Variants in SHROOM4 observed in about 807,000 individuals in gnomAD.
SHROOM4 encodes shroom family member 4.
SHROOM4 carries 17 observed loss-of-function variants against 80.3 expected under a neutral mutation model. The ratio of observed to expected loss-of-function variants is 0.21; its 90% CI spans 0.14 to 0.32. SHROOM4 has a LOEUF of 0.32. Among genes scored for constraint, SHROOM4 ranks in the 10% least tolerant of loss-of-function variants. The probability of loss-of-function intolerance (pLI) is 1.00; values close to 1 mark genes in which losing one functional copy is unlikely to be tolerated. For missense variants in SHROOM4, 993 were observed against 1,140.3 expected (o/e 0.87, Z 1.86); for synonymous variants, 400 against 437.5 (o/e 0.91, Z 1.07).
At chrX:50,577,134 T>A in the SHROOM4 span, among the ~76,000 whole-genome samples, 1 of 112,424 alleles carries the variant, frequency 8.9e-6, no homozygotes, top group Admixed American at 9.4e-5. Flanking sequence ...CAGATTCTTT[T>A]AGTTTTCCTT....
At position 50,693,519 on chromosome X, in the gene SHROOM4, T is replaced by C. The variant is rs1186578996; in HGVS notation, c.269+2267A>G. On this transcript the variant is annotated intron_variant, in intron 2 of 8. Transcript: ENST00000376020. ...AGGCGGAGGTTGCAGTTAGCCGAGA[T>C]CATGCCACTGCACTCCAGCCTGGGC... Among the ~76,000 whole-genome samples the C allele has an allele frequency of 3.8e-5, 4 of 104,347 alleles. No individual in the cohort carries two copies. The Admixed American group carries it at 4.1e-4, about 11-fold the overall frequency. 90.6% of individuals were successfully genotyped at this position (104,347 alleles called of 115,157 possible).
intron 5 of SHROOM4, among the ~76,000 whole-genome samples, chrX:50,625,497 G>A (rs1557252863): frequency 9.0e-6 from 1 of 111,340 alleles, no homozygotes; most frequent in African/African-American, 3.3e-5. Context: ...AAGCTGACAG[G>A]GAAATGAAAA....
intron 4 of SHROOM4, among the ~76,000 whole-genome samples, chrX:50,630,627 T>C (rs1233647226): frequency 1.8e-5 from 2 of 111,434 alleles, no homozygotes; most frequent in Non-Finnish European, 3.8e-5. Flanking sequence ...AAGTTCACAG[T>C]GATCACCCAT....
intron 1 of SHROOM4, among the ~76,000 whole-genome samples, chrX:50,788,144 G>T (rs1488503024): frequency 9.0e-6 from 1 of 111,713 alleles, no homozygotes; most frequent in Non-Finnish European, 1.9e-5. Context: ...TAATGTTAAT[G>T]ATAAAAATAA....
At chrX:50,611,294 G>T (rs1415868553) in intron 5 of SHROOM4, among the ~76,000 whole-genome samples, 1 of 109,156 alleles carries the variant, frequency 9.2e-6, no homozygotes, top group African/African-American at 3.3e-5. Context: ...GACTACAGGC[G>T]CCCGCTACCG....
At chrX:50,629,612 G>A (rs1210709689) in intron 4 of SHROOM4, among the ~76,000 whole-genome samples, 1 of 112,015 alleles carries the variant, frequency 8.9e-6, no homozygotes, top group African/African-American at 3.2e-5. Flanking sequence ...CTTGCTAGAT[G>A]TGTGACCTCT....
intron 6 of SHROOM4, 36 bp downstream of exon 6, chrX:50,607,345 C>T: frequency 8.3e-7 from 1 of 1,203,564 alleles, no homozygotes. Flanking sequence ...TGCTGCCTGC[C>T]TCTTCAGAGA....
intron 7 of SHROOM4, among the ~76,000 whole-genome samples, chrX:50,599,532 A>G (rs1484746289): frequency 2.7e-5 from 3 of 111,666 alleles, no homozygotes; most frequent in Non-Finnish European, 5.6e-5. Flanking sequence ...TTTGGCCCAT[A>G]GTAAGTGCTG....
At chrX:50,609,719 T>C (rs1929870378) in intron 5 of SHROOM4, among the ~76,000 whole-genome samples, 1 of 109,233 alleles carries the variant, frequency 9.2e-6, no homozygotes, top group Non-Finnish European at 1.9e-5. Context: ...ATATATGTTA[T>C]ATGTGTATAT....
intron 5 of SHROOM4, among the ~76,000 whole-genome samples, chrX:50,623,454 T>C (rs1356747042): frequency 9.0e-6 from 1 of 111,574 alleles, no homozygotes; most frequent in Non-Finnish European, 1.9e-5. Context: ...TACCAAAGTG[T>C]TGAGATTACA....
intron 2 of SHROOM4, among the ~76,000 whole-genome samples, chrX:50,670,035 A>G (rs1401318419): frequency 1.8e-5 from 2 of 111,856 alleles, no homozygotes; most frequent in African/African-American, 6.5e-5. Context: ...AAGATTTTCA[A>G]TTTACTTTGG....
At chrX:50,761,885 G>C (rs1935166656) in intron 1 of SHROOM4, among the ~76,000 whole-genome samples, 1 of 111,843 alleles carries the variant, frequency 8.9e-6, no homozygotes, top group African/African-American at 3.2e-5. Flanking sequence ...CTTTTCAAAA[G>C]TATCTGCTCA....
intron 1 of SHROOM4, among the ~76,000 whole-genome samples, chrX:50,741,123 C>G (rs1359598467): frequency 9.0e-6 from 1 of 111,406 alleles, no homozygotes; most frequent in Non-Finnish European, 1.9e-5. Flanking sequence ...TATTTCTGGG[C>G]TTTATGTCCC....
intron 2 of SHROOM4, among the ~76,000 whole-genome samples, chrX:50,682,205 T>C (rs782283185): frequency 1.8e-5 from 2 of 112,296 alleles, no homozygotes; most frequent in South Asian, 3.7e-4. Flanking sequence ...CTAGTTCTTA[T>C]AAATAGCATT....
chrX:50,699,703 T>C (rs1425730098), intron 1 of SHROOM4, among the ~76,000 whole-genome samples: 3 of 111,952 alleles, frequency 2.7e-5, no homozygotes, highest in East Asian at 5.7e-4. Flanking sequence ...TTGGAAATTT[T>C]TGATGGGTCT....
chrX:50,631,648 A>G (rs1931073458), intron 4 of SHROOM4, among the ~76,000 whole-genome samples: 1 of 112,340 alleles, frequency 8.9e-6, no homozygotes, highest in African/African-American at 3.2e-5. Context: ...ATTAGAACTA[A>G]TAAGTGAGTT....
intron 5 of SHROOM4, among the ~76,000 whole-genome samples, chrX:50,617,823 G>A (rs1930314651): frequency 9.0e-6 from 1 of 111,067 alleles, no homozygotes; most frequent in Admixed American, 9.5e-5. Flanking sequence ...CTTGCCCTGT[G>A]TTGGGGCAGC....
chrX:50,589,677 G>T lies in SHROOM4; in HGVS notation c.*7018C>A, dbSNP rs974302948. 8.9e-6 allele frequency among the ~76,000 whole-genome samples: 1 copy of T among 112,109 alleles called. No individual in the cohort carries two copies. On this transcript the variant is annotated 3_prime_UTR_variant, in exon 9 of 9. Coordinates refer to ENST00000376020, the MANE Select transcript of SHROOM4 (RefSeq NM_020717.5). The stretch of plus-strand genomic sequence containing the variant: ...TCAAAGTTTGTTTATCCATTCCTCA[G>T]TGGATGGACATTTGGGTCATTTCCA...
intron 4 of SHROOM4, among the ~76,000 whole-genome samples, chrX:50,628,973 G>A (rs1391628575): frequency 8.9e-6 from 1 of 111,771 alleles, no homozygotes; most frequent in African/African-American, 3.3e-5. Context: ...GCCCTTGTGA[G>A]ACGTTCCTGC....
Sources: gnomAD v4.1 joint callset for allele counts (sites outside exome capture counted in the v4.1 genomes callset) on GRCh38, gnomAD v4.1.1 for gene constraint, MANE v1.5 for transcripts, NCBI Gene and HGNC (gene_info 2026-07-23, HGNC 2026-07-21) for gene names.